ASPHD1: variants seen among roughly 807,000 people sequenced by gnomAD.
The protein encoded by ASPHD1 is aspartate beta-hydroxylase domain containing 1.
ASPHD1 carries 20 observed loss-of-function variants against 28.3 expected under a neutral mutation model. The ratio of observed to expected loss-of-function variants is 0.71; its 90% CI spans 0.50 to 1.03. The LOEUF (loss-of-function observed/expected upper bound fraction) is 1.03. Ranked by LOEUF, ASPHD1 falls within the 50% of genes least tolerant of loss-of-function variation. The pLI is 0.00. For synonymous variants in ASPHD1, 240 were observed against 221.2 expected (o/e 1.08, Z -0.75); for missense variants, 479 against 524.1 (o/e 0.91, Z 0.84).
In ASPHD1 at chr16:29,901,050, A is replaced by C. The variant is rs753568043; in HGVS notation, c.79A>C (p.Lys27Gln). Reference sequence around the variant, plus strand: ...AGAGACAGCCCAGAGTGGAATGTGGAAGGGAAACAGTCCAGCGGGGAGCCA... The same window carrying C: ...AGAGACAGCCCAGAGTGGAATGTGGCAGGGAAACAGTCCAGCGGGGAGCCA... ...ERETAQSGMW[K>Q]GNSPAGSQGA... Residue 27 changes from lysine to glutamine, a missense_variant, in exon 1 of 3, where the codon AAG (lysine) becomes CAG (glutamine). Transcript: ENST00000308748. The surrounding 1 kb of genome is among the most constrained non-coding windows in gnomAD (Gnocchi z 5.1). 1 of 1,600,774 alleles carries C rather than the reference A, an allele frequency of 6.2e-7. No individual in the cohort carries two copies. Among genetic ancestry groups the C allele is most frequent in the South Asian group, 1.1e-5 (1 of 89,682 alleles).
rs1370150977 is a variant in ASPHD1 at position 29,901,300 on chromosome 16, G to C, written c.329G>C (p.Ser110Thr). 2.5e-6 allele frequency: 4 copies of C among 1,611,918 alleles called. No homozygotes were observed. The highest frequency in any genetic ancestry group is 3.4e-6 in the Non-Finnish European group (4 of 1,179,538). The change falls in exon 1 of 3, where the codon AGC becomes ACC. Residue 110 changes from serine to threonine, a missense_variant. Coordinates refer to ENST00000308748, the MANE Select transcript of ASPHD1 (RefSeq NM_181718.4). The surrounding 1 kb of genome is among the most constrained non-coding windows in gnomAD (Gnocchi z 5.1). ...SQDMQALGAG[S>T]RAGGVRGGPV... is the part of the protein sequence containing the mutation. ...GACATGCAGGCCCTAGGGGCTGGGA[G>C]CCGAGCTGGGGGTGTTCGTGGTGGG...
intron 3 of ASPHD1, among the ~76,000 whole-genome samples, chr16:29,918,121 T>C (rs1389643344): frequency 6.6e-6 from 1 of 152,224 alleles, no homozygotes; most frequent in Non-Finnish European, 1.5e-5. Context: ...AATAATCTCA[T>C]GTAATAATGT....
Position 29,902,474 on chromosome 16 carries a change from T to G in ASPHD1, c.949+554T>G, listed in dbSNP as rs2068561990. ...GAAAGCTTTCAACAGTCTAGAACAT[T>G]CTAGTTAAGTGCTCTAGTCTCTCTG... On this transcript the variant is annotated intron_variant, in intron 1 of 2. Transcript: ENST00000308748. 1.3e-5 allele frequency among the ~76,000 whole-genome samples: 2 copies of G among 152,184 alleles called. 1 individual carries two copies. The highest frequency in any genetic ancestry group is 4.8e-5 in the African/African-American group (2 of 41,434).
chr16:29,911,740 G>T, intron 3 of ASPHD1: 1 of 1,529,556 alleles, frequency 6.5e-7, no homozygotes, highest in Non-Finnish European at 9.0e-7. Flanking sequence ...TGTGGCCGTG[G>T]CCCTCGCCTT....
At chr16:29,906,746 G>C, downstream of ASPHD1, 1 of 749,700 alleles carries the variant, frequency 1.3e-6, no homozygotes, top group Non-Finnish European at 2.3e-6. Context: ...GCTGTGCCAT[G>C]CAATGAAGGG....
chr16:29,906,148 C>CTTTTT (rs770827164), downstream of ASPHD1: 14 of 177,424 alleles, frequency 7.9e-5, no homozygotes, highest in Non-Finnish European at 1.4e-4. Context: ...TTTTTTCTTT[C>CTTTTT]TTTTTTTTTT....
intron 3 of ASPHD1, chr16:29,913,338 G>A (rs1417894983): frequency 6.6e-6 from 1 of 151,976 alleles, no homozygotes; most frequent in Non-Finnish European, 1.5e-5. Flanking sequence ...GTATCAGTTC[G>A]GGCACAGAAA....
chr16:29,905,979 TAC>T lies in ASPHD1; in HGVS notation c.*83_*84del. On this transcript the variant is annotated 3_prime_UTR_variant, in exon 3 of 3. Transcript: ENST00000308748. ...TTGATGGTAGCCAGGACCTCCTCTCTACTGCGGGGGTGGGCGGGGGCGGAGGA... is the reference window on the plus strand; with the variant it reads ...TTGATGGTAGCCAGGACCTCCTCTCTTGCGGGGGTGGGCGGGGGCGGAGGA... 2.7e-6 allele frequency: 2 copies of T among 734,740 alleles called. No individual in the cohort carries two copies. The allele number at this position is 734,740 out of a possible 1,614,324, so 45.5% of individuals were successfully genotyped here. A position where few individuals can be genotyped will look rare whatever the true frequency, so the allele number is the denominator to read the frequency against.
intron 3 of ASPHD1, among the ~76,000 whole-genome samples, chr16:29,917,222 G>C (rs367568759): frequency 2.0e-5 from 3 of 152,114 alleles, no homozygotes; most frequent in African/African-American, 7.2e-5. Flanking sequence ...CCTCTGGACT[G>C]TTTAATACCT....
At position 29,901,475 on chromosome 16, in the gene ASPHD1, A is replaced by G. The variant is rs748157248; in HGVS notation, c.504A>G (p.Ala168=). ...SWAGMGRVRR[A]AQGGPGPGRG... ...CTGGGATGGGTAGAGTGAGGCGGGC[A>G]GCTCAGGGTGGCCCAGGCCCTGGGA... is the stretch of plus-strand genomic sequence containing the variant. The change falls in exon 1 of 3, where the codon GCA becomes GCG. Residue 168 remains alanine, a synonymous_variant. Transcript: ENST00000308748. The surrounding 1 kb of genome is among the most constrained non-coding windows in gnomAD (Gnocchi z 5.1). 2 of 1,583,760 alleles carry G rather than the reference A, an allele frequency of 1.3e-6. No homozygotes were observed. The highest frequency in any genetic ancestry group is 3.5e-5 in the Admixed American group (2 of 57,048).
At chr16:29,902,589 G>A (rs1388980590) in intron 1 of ASPHD1, among the ~76,000 whole-genome samples, 1 of 151,380 alleles carries the variant, frequency 6.6e-6, no homozygotes, top group East Asian at 2.0e-4. Context: ...CTCACTGCAA[G>A]CTCCACCTCC....
rs989416372 is a variant in ASPHD1, at chr16:29,913,637, G to A, written c.*63-5894G>A. ...TGTCAGTGGGGCTGTGGGCATCAAA[G>A]GCATGACCGCCCCTAGAGGATGCAC... On this transcript the variant is annotated intron_variant and NMD_transcript_variant, in intron 3 of 3. Coordinates refer to the ASPHD1 transcript ENST00000414952. 2.0e-4 allele frequency: 30 copies of A among 152,194 alleles called. 1 individual carries two copies. The highest frequency in any genetic ancestry group is 6.6e-5 in the Admixed American group (1 of 15,252). 9.4% of individuals were successfully genotyped at this position (152,194 alleles called of 1,614,324 possible).
chr16:29,912,373 C>T (rs1351166383), intron 3 of ASPHD1: 1 of 438,886 alleles, frequency 2.3e-6, no homozygotes, highest in Non-Finnish European at 4.0e-6. Context: ...AGTGCCTCCT[C>T]AGGGCCAGCC....
At chr16:29,910,663 C>T (rs192486570), downstream of ASPHD1, among the ~76,000 whole-genome samples, 1 of 152,276 alleles carries the variant, frequency 6.6e-6, no homozygotes, top group Admixed American at 6.5e-5. Context: ...CTCACCCCTT[C>T]TGAGTTTCTA....
downstream of ASPHD1, among the ~76,000 whole-genome samples, chr16:29,907,978 T>C (rs1414966073): frequency 6.9e-6 from 1 of 144,210 alleles, no homozygotes; most frequent in Non-Finnish European, 1.5e-5. Flanking sequence ...ACCTCATCTA[T>C]TAAAAAAAAA....
chr16:29,901,558 C>T lies in ASPHD1; in HGVS notation c.587C>T (p.Pro196Leu). 1.3e-6 allele frequency: 2 copies of T among 1,551,392 alleles called. No homozygotes were observed. The highest frequency in any genetic ancestry group is 1.7e-6 in the Non-Finnish European group (2 of 1,155,860). ...GGCCTGCTTTTCCTACCAGACCTGC[C>T]TTCAGCCCCCTTTGTGCCGCGGGAC... is the stretch of plus-strand genomic sequence containing the variant. ...RPGLLFLPDL[P>L]SAPFVPRDAQ... The change falls in exon 1 of 3, where the codon CCT (proline) becomes CTT (leucine). Residue 196 changes from proline to leucine, a missense_variant. Pro to Leu is a moderately conservative substitution (Grantham distance 98). Coordinates refer to ENST00000308748, the MANE Select transcript of ASPHD1 (RefSeq NM_181718.4). This position sits in a 1 kb window ranked among gnomAD's most constrained non-coding sequence, Gnocchi z 5.1.
At chr16:29,914,498 C>T (rs897521367) in intron 3 of ASPHD1, 2 of 150,390 alleles carry the variant, frequency 1.3e-5, no homozygotes, top group African/African-American at 2.5e-5. Context: ...TGCAGAGCCA[C>T]CACCATCTCA....
At chr16:29,911,592 A>C in intron 3 of ASPHD1, 1 of 598,278 alleles carries the variant, frequency 1.7e-6, no homozygotes, top group Non-Finnish European at 3.0e-6. Context: ...GCTCGCCACT[A>C]TCACTTTGTC....
At chr16:29,911,038 G>T (rs1277267962), downstream of ASPHD1, 1 of 1,614,056 alleles carries the variant, frequency 6.2e-7, no homozygotes, top group Admixed American at 1.7e-5. Flanking sequence ...CGGCGATTTT[G>T]CGGCCCTGCC....
Sources: gnomAD v4.1 joint callset for allele counts (sites outside exome capture counted in the v4.1 genomes callset) on GRCh38, gnomAD v4.1.1 for gene constraint, Gnocchi (gnomAD v3.1) non-coding constraint, MANE v1.5 for transcripts, NCBI Gene and HGNC (gene_info 2026-07-23, HGNC 2026-07-21) for gene names.